Variants in KCNJ3 observed in about 807,000 individuals in gnomAD.
KCNJ3 encodes the protein potassium inwardly rectifying channel subfamily J member 3, also known as G protein-activated inward rectifier potassium channel 1.
A neutral mutation model predicts 39.2 loss-of-function variants in KCNJ3; 4 were observed. The ratio of observed to expected loss-of-function variants is 0.10; its 90% CI spans 0.05 to 0.23. KCNJ3 has a LOEUF of 0.23. Among genes scored for constraint, KCNJ3 ranks in the 10% least tolerant of loss-of-function variants. The probability of loss-of-function intolerance (pLI) is 1.00; values close to 1 mark genes in which losing one functional copy is unlikely to be tolerated. For missense variants in KCNJ3, 276 were observed against 634.9 expected, an observed-to-expected ratio of 0.43 and a Z score of 6.08; for synonymous variants, 230 against 237.4, an observed-to-expected ratio of 0.97 and a Z score of 0.29.
At chr2:154,746,476 G>GATTTTTATTTATGTT (rs1685744701) in intron 2 of KCNJ3, among the ~76,000 whole-genome samples, 1 of 151,174 alleles carries the variant, frequency 6.6e-6, no homozygotes, top group Non-Finnish European at 1.5e-5. Context: ...ATACTATATT[G>GATTTTTATTTATGTT]ATTTTTATTT....
At chr2:154,830,379 T>C (rs997798742) in intron 2 of KCNJ3, among the ~76,000 whole-genome samples, 3 of 152,208 alleles carry the variant, frequency 2.0e-5, no homozygotes, top group African/African-American at 4.8e-5. Context: ...TTCCAGCAGA[T>C]TCTTGTTGAT....
intron 2 of KCNJ3, among the ~76,000 whole-genome samples, chr2:154,824,258 C>T (rs1687232052): frequency 6.6e-6 from 1 of 152,074 alleles, no homozygotes; most frequent in Admixed American, 6.6e-5. Flanking sequence ...ATCACTTGAG[C>T]CTGGGAGGTC....
At chr2:154,764,704 TA>T (rs35683604) in intron 2 of KCNJ3, among the ~76,000 whole-genome samples, 68,267 of 151,570 alleles carry the variant, frequency 0.45, 15,781 homozygotes, top group East Asian at 0.77. Context: ...ATAATCTAAT[TA>T]AAAAAAAAGA....
At chr2:154,781,429 G>T (rs987713414) in intron 2 of KCNJ3, among the ~76,000 whole-genome samples, 5 of 152,070 alleles carry the variant, frequency 3.3e-5, no homozygotes, top group Non-Finnish European at 7.4e-5. Flanking sequence ...GAAATTATCC[G>T]TAACTTTTCC....
intron 2 of KCNJ3, among the ~76,000 whole-genome samples, chr2:154,782,540 A>G (rs199983020): frequency 1.4e-5 from 1 of 72,460 alleles, no homozygotes; most frequent in Non-Finnish European, 3.2e-5. Context: ...ACACACACAC[A>G]TACACGCAGG....
intron 2 of KCNJ3, among the ~76,000 whole-genome samples, chr2:154,853,297 G>A (rs1363174942): frequency 6.6e-6 from 1 of 151,976 alleles, no homozygotes; most frequent in East Asian, 1.9e-4. Context: ...ATATATAACA[G>A]AATATTCATA....
intron 2 of KCNJ3, among the ~76,000 whole-genome samples, chr2:154,820,438 G>T (rs1301287961): frequency 6.6e-6 from 1 of 152,186 alleles, no homozygotes; most frequent in Non-Finnish European, 1.5e-5. Context: ...GTGATGCTGT[G>T]TACTTAATAT....
chr2:154,730,734 T>G (rs764393180), intron 2 of KCNJ3, among the ~76,000 whole-genome samples: 2 of 152,100 alleles, frequency 1.3e-5, no homozygotes, highest in Non-Finnish European at 2.9e-5. Flanking sequence ...ACCTTAATCA[T>G]GCTCACATGA....
Position 154,709,585 on chromosome 2 carries a change from T to C in KCNJ3, c.703-18T>C. 6.2e-7 allele frequency: 1 copy of C among 1,606,768 alleles called. No homozygotes were observed. Among genetic ancestry groups the C allele is most frequent in the Non-Finnish European group, 8.5e-7 (1 of 1,175,816 alleles). On this transcript the variant is annotated intron_variant, in intron 1 of 2. Coordinates refer to ENST00000295101, the MANE Select transcript of KCNJ3 (RefSeq NM_002239.4). ...GTACAAGTGGTGATTTCTTCTCTTT[T>C]TCTGTGTGCTTGTCTAGTCTCGGCA... is the stretch of plus-strand genomic sequence containing the variant.
At chr2:154,720,233 T>C (rs1685246619) in intron 2 of KCNJ3, among the ~76,000 whole-genome samples, 1 of 151,978 alleles carries the variant, frequency 6.6e-6, no homozygotes. Flanking sequence ...TGTCCAGGGG[T>C]GACTTACCCT....
intron 2 of KCNJ3, among the ~76,000 whole-genome samples, chr2:154,758,330 T>C (rs1423867941): frequency 6.6e-6 from 1 of 152,198 alleles, no homozygotes; most frequent in Non-Finnish European, 1.5e-5. Context: ...TACAACATAG[T>C]ACAGTTGTTC....
At chr2:154,738,474 C>A (rs372029144) in intron 2 of KCNJ3, among the ~76,000 whole-genome samples, 23 of 152,154 alleles carry the variant, frequency 1.5e-4, no homozygotes, top group African/African-American at 5.3e-4. Flanking sequence ...ATACCCCATT[C>A]TCTATGATGT....
chr2:154,752,875 C>A (rs2121089), intron 2 of KCNJ3, among the ~76,000 whole-genome samples: 61,670 of 151,732 alleles, frequency 0.41, 13,677 homozygotes, highest in East Asian at 0.64. Flanking sequence ...ATTGTAAAAA[C>A]ATGAAGAGAA....
chr2:154,792,703 G>A (rs897022862), intron 2 of KCNJ3, among the ~76,000 whole-genome samples: 1 of 152,100 alleles, frequency 6.6e-6, no homozygotes, highest in South Asian at 2.1e-4. Flanking sequence ...AAGGCAGAGA[G>A]ATCTATGGCC....
chr2:154,814,921 G>T (rs1007898163), intron 2 of KCNJ3, among the ~76,000 whole-genome samples: 2 of 152,264 alleles, frequency 1.3e-5, no homozygotes, highest in Admixed American at 1.3e-4. Context: ...CTCTAAGACA[G>T]GAAATTTAAC....
intron 2 of KCNJ3, among the ~76,000 whole-genome samples, chr2:154,781,801 TGGAG>T (rs1286363030): frequency 6.6e-6 from 1 of 152,202 alleles, no homozygotes; most frequent in Non-Finnish European, 1.5e-5. Flanking sequence ...GATGTAAATG[TGGAG>T]TATATCTGTG....
At chr2:154,781,150 A>G (rs1206151603) in intron 2 of KCNJ3, among the ~76,000 whole-genome samples, 1 of 152,188 alleles carries the variant, frequency 6.6e-6, no homozygotes, top group African/African-American at 2.4e-5. Context: ...TGGAGAGGCA[A>G]GGAAATGGAT....
At chr2:154,813,055 G>A (rs1687028706) in intron 2 of KCNJ3, among the ~76,000 whole-genome samples, 1 of 152,060 alleles carries the variant, frequency 6.6e-6, no homozygotes, top group Non-Finnish European at 1.5e-5. Context: ...TGTTAGTAAG[G>A]GTAACTCATT....
chr2:154,798,684 A>G (rs1468610012), intron 2 of KCNJ3, among the ~76,000 whole-genome samples: 6 of 152,214 alleles, frequency 3.9e-5, no homozygotes, highest in Non-Finnish European at 7.3e-5. Flanking sequence ...ATATTTTTAA[A>G]AAGGTAGTCT....
Sources: gnomAD v4.1 joint callset for allele counts (sites outside exome capture counted in the v4.1 genomes callset) on GRCh38, gnomAD v4.1.1 for gene constraint, MANE v1.5 for transcripts, NCBI Gene and HGNC (gene_info 2026-07-23, HGNC 2026-07-21) for gene names.